Variants in ELL2 observed in about 807,000 individuals in gnomAD.
ELL2 encodes RNA polymerase II elongation factor ELL2.
In ELL2, 21 loss-of-function variants were observed where a neutral mutation model predicts 72.8. That is an observed-to-expected ratio of 0.29 (90% CI 0.20 to 0.42). The LOEUF is 0.42. ELL2 is among the 10% of genes least tolerant of loss of function. The pLI is 1.00. For synonymous variants in ELL2, 266 were observed against 283.2 expected, an observed-to-expected ratio of 0.94 and a Z score of 0.61; for missense variants, 568 against 772.8, an observed-to-expected ratio of 0.73 and a Z score of 3.14.
At chr5:95,950,931 TATATATATATATATATA>T (rs1561515419) in intron 1 of ELL2, among the ~76,000 whole-genome samples, 5 of 126,562 alleles carry the variant, frequency 4.0e-5, no homozygotes, top group Middle Eastern at 4.1e-3. Context: ...TATATATATA[TATATATATATATATATA>T]TATATAAAAT....
chr5:95,895,415 T>C (rs985864152), intron 9 of ELL2, among the ~76,000 whole-genome samples: 3 of 152,092 alleles, frequency 2.0e-5, no homozygotes, highest in Non-Finnish European at 4.4e-5. Flanking sequence ...GGCCAACGAA[T>C]ACAGCTCAGA....
chr5:95,925,693 AAG>A (rs201838258), intron 2 of ELL2, among the ~76,000 whole-genome samples: 1,861 of 152,316 alleles, frequency 0.012, 31 homozygotes, highest in African/African-American at 0.041. Context: ...CCTTATGTGA[AAG>A]AGGGGTTCTT....
At position 95,888,145 on chromosome 5, in the gene ELL2, C is replaced by T. The variant is rs1748525788; in HGVS notation, c.*726G>A. On this transcript the variant is annotated 3_prime_UTR_variant, in exon 12 of 12. Transcript: ENST00000237853. ...GCACACACTTCCAGATGCTGGTAGG[C>T]CACAGTATGCTTCCCATTGCTCTAA... The T allele has an allele frequency of 6.6e-6, 1 of 152,592 alleles. No homozygotes were observed. Among genetic ancestry groups the T allele is most frequent in the Admixed American group, 6.6e-5 (1 of 15,266 alleles). 9.5% of individuals were successfully genotyped at this position (152,592 alleles called of 1,614,324 possible).
intron 2 of ELL2, among the ~76,000 whole-genome samples, chr5:95,936,959 G>A (rs907008293): frequency 6.6e-6 from 1 of 151,842 alleles, no homozygotes; most frequent in Non-Finnish European, 1.5e-5. Flanking sequence ...ATTTTACCTT[G>A]TCTACACAGT....
At chr5:95,946,938 T>G (rs1751180116) in intron 1 of ELL2, among the ~76,000 whole-genome samples, 1 of 152,242 alleles carries the variant, frequency 6.6e-6, no homozygotes, top group African/African-American at 2.4e-5. Flanking sequence ...GGTGAGTACC[T>G]GGAAAATGAA....
intron 2 of ELL2, among the ~76,000 whole-genome samples, chr5:95,920,373 C>T (rs529597922): frequency 1.7e-4 from 26 of 151,098 alleles, no homozygotes; most frequent in African/African-American, 2.4e-4. Flanking sequence ...TGCAGTGGCG[C>T]GATCTTGGCT....
At chr5:95,945,643 A>C (rs1751128807) in intron 1 of ELL2, among the ~76,000 whole-genome samples, 1 of 152,230 alleles carries the variant, frequency 6.6e-6, no homozygotes, top group African/African-American at 2.4e-5. Context: ...CTCAAAAAGG[A>C]CAGTACGGGT....
chr5:95,943,674 A>C (rs1304323438), intron 1 of ELL2, among the ~76,000 whole-genome samples: 1 of 152,210 alleles, frequency 6.6e-6, no homozygotes, highest in African/African-American at 2.4e-5. Context: ...CTATTTTCTC[A>C]CATTTTATCA....
chr5:95,958,089 C>G (rs2112364321), intron 1 of ELL2, among the ~76,000 whole-genome samples: 1 of 152,254 alleles, frequency 6.6e-6, no homozygotes, highest in East Asian at 1.9e-4. Flanking sequence ...TAGGCCAGAG[C>G]TGCTTAGAGG....
At chr5:95,894,084 C>T (rs1748771288) in intron 9 of ELL2, among the ~76,000 whole-genome samples, 1 of 152,166 alleles carries the variant, frequency 6.6e-6, no homozygotes, top group African/African-American at 2.4e-5. Flanking sequence ...AACGCCATCT[C>T]TACTAAAAAT....
At chr5:95,909,152 A>T (rs1749485715) in intron 4 of ELL2, among the ~76,000 whole-genome samples, 1 of 152,180 alleles carries the variant, frequency 6.6e-6, no homozygotes, top group African/African-American at 2.4e-5. Flanking sequence ...CTTTGCCCTT[A>T]AAAGGGATAT....
intron 8 of ELL2, 149 bp downstream of exon 8, chr5:95,898,091 G>GAAAAA: frequency 2.5e-5 from 11 of 440,572 alleles, no homozygotes; most frequent in South Asian, 7.3e-5. Flanking sequence ...GCTGTAAAAT[G>GAAAAA]AAAAAAAAAA....
intron 5 of ELL2, 148 bp downstream of exon 5, chr5:95,906,375 T>C (rs1749359715): frequency 2.9e-6 from 2 of 698,912 alleles, no homozygotes; most frequent in Non-Finnish European, 4.3e-6. Context: ...AACTTAATAT[T>C]CAGGAGTTGT....
At chr5:95,922,707 G>A (rs1750136326) in intron 2 of ELL2, among the ~76,000 whole-genome samples, 1 of 152,078 alleles carries the variant, frequency 6.6e-6, no homozygotes, top group African/African-American at 2.4e-5. Flanking sequence ...GGACACAGAA[G>A]ACTTTCATAT....
rs1244409899 is a variant in ELL2 at position 95,886,658 on chromosome 5, T to C, written c.*2213A>G. ...TTTGCACCTGCTGACATGATGGACA[T>C]TAAAAAAAAAAAAAAGCCAATAGTT... On this transcript the variant is annotated 3_prime_UTR_variant, in exon 12 of 12. Coordinates refer to ENST00000237853, the MANE Select transcript of ELL2 (RefSeq NM_012081.6). 1 of 127,450 alleles carries C rather than the reference T, an allele frequency of 7.8e-6. No individual in the cohort carries two copies. The highest frequency in any genetic ancestry group is 1.6e-5 in the Non-Finnish European group (1 of 61,782). 7.9% of individuals were successfully genotyped at this position (127,450 alleles called of 1,614,324 possible).
chr5:95,927,389 A>G lies in ELL2; in HGVS notation c.196-7844T>C, dbSNP rs571225735. On this transcript the variant is annotated intron_variant, in intron 2 of 11. Coordinates refer to ENST00000237853, the MANE Select transcript of ELL2 (RefSeq NM_012081.6). ...TAGACATACACACACACACGTGTGT[A>G]TATATAGACATACACACACGTGTGT... is the stretch of plus-strand genomic sequence containing the variant. Among the ~76,000 whole-genome samples, 367 of 42,382 alleles carry G rather than the reference A, an allele frequency of 8.7e-3. 41 individuals are homozygous for G. Among genetic ancestry groups the G allele is most frequent in the Non-Finnish European group, 0.01 (260 of 25,634 alleles). The allele number at this position is 42,382 out of a possible 152,430, so 27.8% of individuals were successfully genotyped here.
In ELL2 at chr5:95,961,599, C is replaced by G; in HGVS notation, c.123G>C (p.Ala41=). ...HVKLTETAIR[A]LETYQSHKNL... ...CCTTGTGGCTCTGGTAAGTCTCGAG[C>G]GCCCGGATCGCCGTCTCGGTGAGCT... is the stretch of plus-strand genomic sequence containing the variant. The change falls in exon 1 of 12, where the codon GCG becomes GCC. Residue 41 remains alanine, a synonymous_variant. Coordinates refer to ENST00000237853, the MANE Select transcript of ELL2 (RefSeq NM_012081.6). 4.4e-6 allele frequency: 7 copies of G among 1,604,724 alleles called. No homozygotes were observed. The highest frequency in any genetic ancestry group is 2.2e-5 in the South Asian group (2 of 90,042).
At chr5:95,892,390 A>G (rs995953091) in intron 9 of ELL2, among the ~76,000 whole-genome samples, 6 of 151,882 alleles carry the variant, frequency 4.0e-5, no homozygotes, top group African/African-American at 1.2e-4. Flanking sequence ...CAAGTGATCC[A>G]CCCGCCTTGG....
chr5:95,944,029 G>C (rs1408899630), intron 1 of ELL2, among the ~76,000 whole-genome samples: 1 of 152,100 alleles, frequency 6.6e-6, no homozygotes, highest in Non-Finnish European at 1.5e-5. Context: ...CAAATCCAAT[G>C]TACAAAAACA....
Sources: gnomAD v4.1 joint callset for allele counts (sites outside exome capture counted in the v4.1 genomes callset) on GRCh38, gnomAD v4.1.1 for gene constraint, MANE v1.5 for transcripts, NCBI Gene and HGNC (gene_info 2026-07-23, HGNC 2026-07-21) for gene names.